Variants in ATRNL1 observed in about 807,000 individuals in gnomAD.
ATRNL1 encodes the protein attractin-like protein 1.
In ATRNL1, 95 loss-of-function variants were observed where a neutral mutation model predicts 182.7. The ratio of observed to expected loss-of-function variants is 0.52; its 90% confidence interval spans 0.44 to 0.62. ATRNL1 has a LOEUF of 0.62. Among genes scored for constraint, ATRNL1 ranks in the 20% least tolerant of loss-of-function variants. ATRNL1 has a pLI of 0.00. For synonymous variants in ATRNL1, 576 were observed against 568.3 expected (o/e 1.01, Z -0.19); for missense variants, 1,471 against 1,679.5 (o/e 0.88, Z 2.17).
At chr10:115,715,310 A>T (rs1947213855) in intron 26 of ATRNL1, among the ~76,000 whole-genome samples, 1 of 152,248 alleles carries the variant, frequency 6.6e-6, no homozygotes, top group Non-Finnish European at 1.5e-5. Flanking sequence ...AAGGGAAAAC[A>T]TGCCTAGTCT....
At chr10:115,496,012 G>A (rs1592740102) in intron 24 of ATRNL1, among the ~76,000 whole-genome samples, 1 of 152,138 alleles carries the variant, frequency 6.6e-6, no homozygotes, top group South Asian at 2.1e-4. Flanking sequence ...TTTGTGTTGG[G>A]TGCATATCTA....
At chr10:115,328,614 A>G (rs546912697) in intron 18 of ATRNL1, among the ~76,000 whole-genome samples, 12 of 151,980 alleles carry the variant, frequency 7.9e-5, no homozygotes, top group Non-Finnish European at 1.5e-4. Flanking sequence ...TGTAATCATC[A>G]TTATACTCTT....
chr10:115,640,775 A>C (rs1859190999), intron 26 of ATRNL1, among the ~76,000 whole-genome samples: 1 of 152,126 alleles, frequency 6.6e-6, no homozygotes, highest in Non-Finnish European at 1.5e-5. Flanking sequence ...CTTTAGTTTA[A>C]TTAGATCCCA....
chr10:115,103,040 G>T (rs1592100947), intron 1 of ATRNL1, among the ~76,000 whole-genome samples: 6 of 130,346 alleles, frequency 4.6e-5, no homozygotes, highest in African/African-American at 8.7e-5. Flanking sequence ...TATTTTTAGT[G>T]TTTTTTTTTT....
chr10:115,365,227 A>C (rs533864936), intron 19 of ATRNL1, among the ~76,000 whole-genome samples: 49 of 152,256 alleles, frequency 3.2e-4, no homozygotes, highest in African/African-American at 9.6e-4. Context: ...AGAGATTCAA[A>C]TTCTTCCTGG....
intron 25 of ATRNL1, among the ~76,000 whole-genome samples, chr10:115,530,438 G>A (rs1554987909): frequency 6.6e-6 from 1 of 151,994 alleles, no homozygotes; most frequent in East Asian, 1.9e-4. Flanking sequence ...GGTAAGAGAT[G>A]ATGCATATTT....
intron 24 of ATRNL1, among the ~76,000 whole-genome samples, chr10:115,505,731 C>T (rs1319411318): frequency 6.6e-6 from 1 of 151,722 alleles, no homozygotes; most frequent in Non-Finnish European, 1.5e-5. Flanking sequence ...GAAAAAAAAA[C>T]ATGAACGCCT....
intron 26 of ATRNL1, among the ~76,000 whole-genome samples, chr10:115,594,478 A>C (rs1185140134): frequency 6.6e-6 from 1 of 152,122 alleles, no homozygotes; most frequent in Non-Finnish European, 1.5e-5. Context: ...CTGTAGGATA[A>C]GAAAATAATT....
chr10:115,543,997 A>G (rs1235471375), intron 25 of ATRNL1, among the ~76,000 whole-genome samples: 3 of 151,850 alleles, frequency 2.0e-5, no homozygotes, highest in African/African-American at 7.3e-5. Context: ...ATCGTACAGC[A>G]TATTTTTTTT....
At chr10:115,371,917 T>C (rs907100867) in intron 19 of ATRNL1, among the ~76,000 whole-genome samples, 8 of 152,136 alleles carry the variant, frequency 5.3e-5, no homozygotes, top group African/African-American at 1.4e-4. Context: ...TGGGAGATAG[T>C]GGAATCATGG....
chr10:115,117,977 C>T (rs1015798189), intron 1 of ATRNL1, among the ~76,000 whole-genome samples: 6 of 151,940 alleles, frequency 3.9e-5, no homozygotes, highest in African/African-American at 4.8e-5. Context: ...TTTTCATGTA[C>T]GTATTTGAAA....
At chr10:115,751,201 G>A (rs1948438718) in intron 27 of ATRNL1, among the ~76,000 whole-genome samples, 2 of 151,910 alleles carry the variant, frequency 1.3e-5, no homozygotes, top group African/African-American at 2.4e-5. Flanking sequence ...AGGTGGAAGG[G>A]GACTGCAAGC....
intron 25 of ATRNL1, among the ~76,000 whole-genome samples, chr10:115,545,963 CT>C (rs1554993559): frequency 6.6e-6 from 1 of 152,214 alleles, no homozygotes; most frequent in Non-Finnish European, 1.5e-5. Context: ...CTTCAACTCT[CT>C]GTGACTTAGC....
chr10:115,314,794 C>T (rs546123648), intron 17 of ATRNL1, among the ~76,000 whole-genome samples: 49 of 152,114 alleles, frequency 3.2e-4, no homozygotes, highest in Non-Finnish European at 6.2e-4. Flanking sequence ...ATAGGTTATA[C>T]CTGAATCAAA....
chr10:115,237,425 CTAATA>C (rs1850233728), intron 9 of ATRNL1, among the ~76,000 whole-genome samples: 1 of 152,184 alleles, frequency 6.6e-6, no homozygotes, highest in African/African-American at 2.4e-5. Flanking sequence ...TTTAGCTATT[CTAATA>C]TGTGTGTAGT....
chr10:115,160,979 C>A (rs1393271638), intron 6 of ATRNL1, among the ~76,000 whole-genome samples: 1 of 151,844 alleles, frequency 6.6e-6, no homozygotes, highest in African/African-American at 2.4e-5. Context: ...ACAGGATACC[C>A]AGTTAAACTT....
At chr10:115,642,231 G>T (rs1859297543) in intron 26 of ATRNL1, among the ~76,000 whole-genome samples, 1 of 152,030 alleles carries the variant, frequency 6.6e-6, no homozygotes, top group African/African-American at 2.4e-5. Context: ...GAAATCAAAA[G>T]AATGCAATTC....
intron 25 of ATRNL1, among the ~76,000 whole-genome samples, chr10:115,541,585 GC>G (rs1852362093): frequency 1.3e-5 from 2 of 152,082 alleles, no homozygotes; most frequent in Admixed American, 1.3e-4. Flanking sequence ...TGTTTTACAT[GC>G]CCCAAACTGG....
chr10:115,421,289 A>G (rs1554961882), intron 20 of ATRNL1, among the ~76,000 whole-genome samples: 3 of 152,154 alleles, frequency 2.0e-5, no homozygotes. Flanking sequence ...AGATGCAAAA[A>G]CCCATAATAC....
Sources: gnomAD v4.1 joint callset for allele counts (sites outside exome capture counted in the v4.1 genomes callset) on GRCh38, gnomAD v4.1.1 for gene constraint, MANE v1.5 for transcripts, NCBI Gene and HGNC (gene_info 2026-07-23, HGNC 2026-07-21) for gene names.